CPNE4: variants seen among roughly 807,000 people sequenced by gnomAD.
CPNE4 encodes copine-4.
CPNE4 carries 25 observed loss-of-function variants against 67.9 expected under a neutral mutation model. The observed-to-expected ratio is 0.37, with a 90% CI of 0.27 to 0.51. The LOEUF (loss-of-function observed/expected upper bound fraction) is 0.51. Ranked by LOEUF, CPNE4 falls within the 20% of genes least tolerant of loss-of-function variation. The pLI is 0.93. For synonymous variants in CPNE4, 242 were observed against 244.9 expected, an observed-to-expected ratio of 0.99 and a Z score of 0.11; for missense variants, 464 against 690.8, an observed-to-expected ratio of 0.67 and a Z score of 3.68.
upstream of CPNE4, among the ~76,000 whole-genome samples, chr3:132,039,374 C>T (rs528860583): frequency 2.6e-5 from 4 of 152,314 alleles, no homozygotes; most frequent in South Asian, 2.1e-4. Context: ...ATAAAAGGAA[C>T]CTGGGGCTTT....
chr3:131,888,945 A>C (rs755720883), intron 2 of CPNE4, among the ~76,000 whole-genome samples: 5 of 152,172 alleles, frequency 3.3e-5, no homozygotes, highest in South Asian at 2.1e-4. Context: ...GCAGACCAAA[A>C]GCTTATCTCT....
intron 6 of CPNE4, among the ~76,000 whole-genome samples, chr3:131,676,312 G>C (rs2080567529): frequency 6.6e-6 from 1 of 151,882 alleles, no homozygotes; most frequent in South Asian, 2.1e-4. Context: ...GCCTGCTTTG[G>C]CCCCCCAAAG....
At chr3:132,009,959 T>C (rs140662726) in intron 1 of CPNE4, among the ~76,000 whole-genome samples, 1 of 152,168 alleles carries the variant, frequency 6.6e-6, no homozygotes, top group Admixed American at 6.5e-5. Flanking sequence ...CATGCTGAAG[T>C]TGAGAACCCT....
chr3:131,692,600 A>G (rs1378378928), intron 5 of CPNE4, among the ~76,000 whole-genome samples: 1 of 152,172 alleles, frequency 6.6e-6, no homozygotes, highest in African/African-American at 2.4e-5. Context: ...TGTATTGTCT[A>G]TGGCTGTTTT....
At chr3:131,685,723 G>A (rs528543299) in intron 6 of CPNE4, 152 bp downstream of exon 6, 5 of 558,964 alleles carry the variant, frequency 8.9e-6, no homozygotes, top group Admixed American at 7.1e-5. Flanking sequence ...GGCGGTTGCA[G>A]TGAGACGAGA....
intron 3 of CPNE4, among the ~76,000 whole-genome samples, chr3:131,706,183 G>A (rs753885511): frequency 2.8e-4 from 42 of 152,288 alleles, no homozygotes; most frequent in South Asian, 4.1e-4. Flanking sequence ...ATGCTTGAAG[G>A]AATTCTTTGA....
chr3:131,604,920 A>C (rs1939411415), intron 7 of CPNE4, among the ~76,000 whole-genome samples: 1 of 152,112 alleles, frequency 6.6e-6, no homozygotes, highest in African/African-American at 2.4e-5. Context: ...GACGCCTAAG[A>C]AGTACATACC....
At chr3:131,547,841 ATT>A (rs1935958430) in intron 14 of CPNE4, among the ~76,000 whole-genome samples, 1 of 152,126 alleles carries the variant, frequency 6.6e-6, no homozygotes, top group African/African-American at 2.4e-5. Context: ...GATCAGACCC[ATT>A]TGTTTCTTAT....
chr3:131,673,700 A>G (rs2080485486), intron 6 of CPNE4, among the ~76,000 whole-genome samples: 1 of 151,992 alleles, frequency 6.6e-6, no homozygotes, highest in African/African-American at 2.4e-5. Flanking sequence ...TATTAGTTCT[A>G]ACAGTTTTCT....
intron 14 of CPNE4, among the ~76,000 whole-genome samples, chr3:131,546,176 G>C (rs1447788556): frequency 6.6e-6 from 1 of 152,150 alleles, no homozygotes; most frequent in East Asian, 1.9e-4. Flanking sequence ...AAGAACTCCT[G>C]GTCTGAAGAG....
At chr3:131,554,529 A>T (rs1264018504) in intron 12 of CPNE4, among the ~76,000 whole-genome samples, 1 of 152,122 alleles carries the variant, frequency 6.6e-6, no homozygotes, top group Non-Finnish European at 1.5e-5. Context: ...AGTGTGGAAT[A>T]CAAGGCAAGA....
intron 2 of CPNE4, among the ~76,000 whole-genome samples, chr3:131,747,839 A>C (rs1560231885): frequency 6.6e-6 from 1 of 152,036 alleles, no homozygotes; most frequent in African/African-American, 2.4e-5. Flanking sequence ...TTTTATGCTT[A>C]TTTTCTTTTC....
In CPNE4 at chr3:131,589,034, G is replaced by A. The variant is rs79965016; in HGVS notation, c.682-1452C>T. Among the ~76,000 whole-genome samples the A allele has an allele frequency of 6.0e-3, 918 of 152,240 alleles. 8 individuals carry two copies. The highest frequency in any genetic ancestry group is 0.02 in the African/African-American group (841 of 41,528). ...CTCCCTCAGTACTTCCAAATTCACC[G>A]TTTATGATCCATGCTTACTGTATTA... On this transcript the variant is annotated intron_variant, in intron 7 of 15. Coordinates refer to ENST00000429747, the MANE Select transcript of CPNE4 (RefSeq NM_130808.3).
At chr3:131,645,229 A>G (rs1301382573) in intron 7 of CPNE4, among the ~76,000 whole-genome samples, 1 of 152,196 alleles carries the variant, frequency 6.6e-6, no homozygotes, top group African/African-American at 2.4e-5. Context: ...AGTTAGTTAT[A>G]TATTTTTGAA....
chr3:131,764,311 C>A (rs1322136533), intron 2 of CPNE4, among the ~76,000 whole-genome samples: 1 of 151,286 alleles, frequency 6.6e-6, no homozygotes, highest in Non-Finnish European at 1.5e-5. Flanking sequence ...TAAAAAGAAA[C>A]CTTAAAGGTC....
intron 2 of CPNE4, among the ~76,000 whole-genome samples, chr3:131,770,044 C>A (rs577506211): frequency 6.6e-6 from 1 of 152,222 alleles, no homozygotes; most frequent in Non-Finnish European, 1.5e-5. Flanking sequence ...TTGAAACGAC[C>A]TCAAGTTCTG....
chr3:131,566,957 G>A (rs1937087260), intron 10 of CPNE4, among the ~76,000 whole-genome samples: 1 of 151,928 alleles, frequency 6.6e-6, no homozygotes, highest in Non-Finnish European at 1.5e-5. Flanking sequence ...ATTGGCAGGT[G>A]TTGCTACTTT....
At chr3:131,549,649 G>T (rs1936063842) in intron 14 of CPNE4, among the ~76,000 whole-genome samples, 1 of 152,110 alleles carries the variant, frequency 6.6e-6, no homozygotes, top group African/African-American at 2.4e-5. Flanking sequence ...ACAGGAGGTG[G>T]ATATGACATA....
At position 132,034,626 on chromosome 3, in the gene CPNE4, GC is replaced by G. The variant is rs1446122594; in HGVS notation, c.-62del. The G allele has an allele frequency of 8.1e-6, 8 of 985,448 alleles. No individual in the cohort carries two copies. Among genetic ancestry groups the G allele is most frequent in the Non-Finnish European group, 9.6e-6 (8 of 830,020 alleles). The allele number at this position is 985,448 out of a possible 1,614,324, so 61.0% of individuals were successfully genotyped here. On this transcript the variant is annotated 5_prime_UTR_variant, in exon 1 of 16. Coordinates refer to ENST00000429747, the MANE Select transcript of CPNE4 (RefSeq NM_130808.3). Reference sequence around the variant, plus strand: ...TTCAGCCCGGGACGAGGTCTGTCCCGCCCCCAGGATGCAAAATCCGGCTTTG... The same window carrying G: ...TTCAGCCCGGGACGAGGTCTGTCCCGCCCCAGGATGCAAAATCCGGCTTTG...
Sources: allele counts gnomAD v4.1 joint callset (sites outside exome capture counted in the v4.1 genomes callset), GRCh38; gene constraint gnomAD v4.1.1; transcripts MANE v1.5; gene names NCBI Gene and HGNC (gene_info 2026-07-23, HGNC 2026-07-21).